SPTBN4: variants seen among roughly 807,000 people sequenced by gnomAD.
The protein encoded by SPTBN4 is spectrin beta chain, non-erythrocytic 4.
Under a neutral mutation model 277.8 loss-of-function variants are expected in SPTBN4, and 96 were observed. The ratio of observed to expected loss-of-function variants is 0.35; its 90% CI spans 0.29 to 0.41. SPTBN4 has a LOEUF of 0.41. Ranked by LOEUF, SPTBN4 falls within the 10% of genes least tolerant of loss-of-function variation. SPTBN4 has a pLI of 1.00. For synonymous variants in SPTBN4, 1,481 were observed against 1,580.3 expected (o/e 0.94, Z 1.49); for missense variants, 3,006 against 3,595.7 (o/e 0.84, Z 4.19).
At chr19:40,510,073 C>T (rs1488508763) in intron 13 of SPTBN4, among the ~76,000 whole-genome samples, 3 of 151,910 alleles carry the variant, frequency 2.0e-5, no homozygotes, top group East Asian at 1.9e-4. Context: ...GTGGGGAGTG[C>T]GTTGTCATGG....
At chr19:40,545,578 TAA>T (rs1051111761) in intron 20 of SPTBN4, among the ~76,000 whole-genome samples, 1 of 152,140 alleles carries the variant, frequency 6.6e-6, no homozygotes, top group African/African-American at 2.4e-5. Context: ...TTAGATACTA[TAA>T]GTCTTTTACA....
At chr19:40,547,658 T>C (rs970827092) in intron 20 of SPTBN4, among the ~76,000 whole-genome samples, 2 of 152,154 alleles carry the variant, frequency 1.3e-5, no homozygotes, top group Non-Finnish European at 2.9e-5. Context: ...AGTGTAAAAG[T>C]GTTCCTGTTT....
At chr19:40,532,568 G>A in intron 18 of SPTBN4, 57 bp from the exon 19 acceptor site, 4 of 1,571,810 alleles carry the variant, frequency 2.5e-6, no homozygotes, top group Non-Finnish European at 2.6e-6. Flanking sequence ...CTGAAGGGAT[G>A]GGGGGCTGTG....
chr19:40,477,951 G>A (rs1423146971), intron 2 of SPTBN4, among the ~76,000 whole-genome samples: 1 of 151,988 alleles, frequency 6.6e-6, no homozygotes, highest in Non-Finnish European at 1.5e-5. Context: ...CGATTCTCCT[G>A]CCTCAGCCTC....
rs2079831712 is a variant in SPTBN4, at chr19:40,467,065, TCGGGCGGCGGGGCGCGGGGACCG to T, written c.-248_-226del. Among the ~76,000 whole-genome samples, 1 of 150,352 alleles carries T rather than the reference TCGGGCGGCGGGGCGCGGGGACCG, an allele frequency of 6.7e-6. No individual in the cohort carries two copies. The highest frequency in any genetic ancestry group is 6.6e-5 in the Admixed American group (1 of 15,096). ...GGCCGGGTGTGACTGCGCGTGGGCC[TCGGGCGGCGGGGCGCGGGGACCG>T]CGGGCGGGAGGGGGTCCCGGGGGCG... On this transcript the variant is annotated 5_prime_UTR_variant, in exon 1 of 36. Transcript: ENST00000598249.
chr19:40,504,681 A>G (rs2080304955), intron 12 of SPTBN4, among the ~76,000 whole-genome samples: 1 of 148,864 alleles, frequency 6.7e-6, no homozygotes, highest in Non-Finnish European at 1.5e-5. Flanking sequence ...AAAAAAAAAC[A>G]AAAAAAACAA....
chr19:40,483,461 T>C (rs1362296035), intron 2 of SPTBN4, among the ~76,000 whole-genome samples: 1 of 152,244 alleles, frequency 6.6e-6, no homozygotes, highest in Non-Finnish European at 1.5e-5. Flanking sequence ...TATTGCTTCT[T>C]ACTCTAGCAG....
Position 40,504,148 on chromosome 19 carries a change from C to CCA in SPTBN4, c.1665+16_1665+17insCA. On this transcript the variant is annotated intron_variant, in intron 12 of 35. Transcript: ENST00000598249. ...GGAGATGCAGGTGCCGGCGGGGGGG[C>CCA]GGGGATGCGGGTGGAGTGCCAGGAG... The CCA allele has an allele frequency of 1.9e-5, 12 of 645,718 alleles. No individual in the cohort carries two copies. The highest frequency in any genetic ancestry group is 2.5e-5 in the Non-Finnish European group (12 of 471,348). The allele number at this position is 645,718 out of a possible 1,614,324, so 40.0% of individuals were successfully genotyped here. A position where few individuals can be genotyped will look rare whatever the true frequency, so the allele number is the denominator to read the frequency against.
chr19:40,484,081 C>A lies in SPTBN4; in HGVS notation c.170-3616C>A, dbSNP rs115164927. On this transcript the variant is annotated intron_variant, in intron 2 of 35. Transcript: ENST00000598249. ...ATTTTATACAGGGCAGACCCTGTAT[C>A]AAAAAAAAAGAGAGAAAAACAAGTA... Among the ~76,000 whole-genome samples, 468 of 149,498 alleles carry A rather than the reference C, an allele frequency of 3.1e-3. 4 individuals are homozygous for A. The highest frequency in any genetic ancestry group is 0.01 in the African/African-American group (423 of 40,768).
chr19:40,534,378 T>C, intron 20 of SPTBN4, 35 bp downstream of exon 20: 1 of 1,602,084 alleles, frequency 6.2e-7, no homozygotes, highest in South Asian at 1.1e-5. Flanking sequence ...GGGCTCCCTA[T>C]GCCACATGGG....
At chr19:40,553,709 C>A (rs1223938520) in intron 22 of SPTBN4, among the ~76,000 whole-genome samples, 5 of 152,094 alleles carry the variant, frequency 3.3e-5, no homozygotes, top group African/African-American at 1.2e-4. Context: ...CTGGGCACAC[C>A]GGTGTATGTG....
At position 40,502,265 on chromosome 19, in the gene SPTBN4, G is replaced by A. The variant is rs2080271550; in HGVS notation, c.1035G>A (p.Gln345=). 2 of 1,613,752 alleles carry A rather than the reference G, an allele frequency of 1.2e-6. No homozygotes were observed. Among genetic ancestry groups the A allele is most frequent in the South Asian group, 2.2e-5 (2 of 91,088 alleles). Residue 345 remains glutamine, a synonymous_variant, in exon 9 of 36, where the codon CAG becomes CAA. Coordinates refer to ENST00000598249, the MANE Select transcript of SPTBN4 (RefSeq NM_020971.3). The surrounding 1 kb of genome is among the most constrained non-coding windows in gnomAD (Gnocchi z 4.9). ...TTGCCAACTCCTTAAGTGGGGTGCA[G>A]CAGCAACTCCAGGCTTTCACGGCCT... ...QKFANSLSGV[Q]QQLQAFTAYC...
intron 20 of SPTBN4, among the ~76,000 whole-genome samples, chr19:40,543,897 A>G (rs1169787175): frequency 6.6e-6 from 1 of 152,108 alleles, no homozygotes; most frequent in Non-Finnish European, 1.5e-5. Context: ...TTTAATTTCA[A>G]TTTTTGAATA....
At chr19:40,523,725 A>T in intron 17 of SPTBN4, 86 bp downstream of exon 17, 1 of 1,244,050 alleles carries the variant, frequency 8.0e-7, no homozygotes, top group Non-Finnish European at 1.1e-6. Context: ...CCAGGGTCCC[A>T]CTCCTTTCAT....
chr19:40,570,743 G>A lies in SPTBN4; in HGVS notation c.7319+15G>A, dbSNP rs775309151. The A allele has an allele frequency of 6.2e-6, 10 of 1,601,830 alleles. No homozygotes were observed. The Admixed American group carries it at 1.7e-4, about 27-fold the overall frequency. ...TCGTCCAACCGGTGAGCGTGTGGGC[G>A]GGGCTTTGGAAGGCGGGTCTCAGGC... is the stretch of plus-strand genomic sequence containing the variant. On this transcript the variant is annotated intron_variant, in intron 33 of 35. Transcript: ENST00000598249.
intron 25 of SPTBN4, among the ~76,000 whole-genome samples, chr19:40,556,800 T>C (rs1007940482): frequency 1.3e-5 from 2 of 152,142 alleles, no homozygotes; most frequent in Admixed American, 6.5e-5. Flanking sequence ...TGGTGGCACA[T>C]GCCTGTAGTC....
Position 40,506,190 on chromosome 19 carries a change from C to T in SPTBN4, c.1666-46C>T, listed in dbSNP as rs75488411. On this transcript the variant is annotated intron_variant, in intron 12 of 35. Transcript: ENST00000598249. ...TAGGCAATGGGGGAGAGGTGAGTGG[C>T]CCAGGGCAGTGCCAGAGGTGTGCTC... 5,600 of 1,573,992 alleles carry T rather than the reference C, an allele frequency of 3.6e-3. 215 individuals carry two copies. In the East Asian group the frequency reaches 0.092, roughly 26 times the overall value.
chr19:40,530,609 G>C (rs1180326461), intron 18 of SPTBN4: 2 of 974,380 alleles, frequency 2.1e-6, no homozygotes, highest in Non-Finnish European at 2.4e-6. Flanking sequence ...GGCGCCCAGG[G>C]GAGGGGGTTG....
intron 35 of SPTBN4, 190 bp downstream of exon 35, chr19:40,572,570 T>C: frequency 1.6e-6 from 1 of 642,832 alleles, no homozygotes; most frequent in Non-Finnish European, 2.7e-6. Context: ...TGGGAAGGGC[T>C]TCAGGGAGGG....
Sources: allele counts gnomAD v4.1 joint callset (sites outside exome capture counted in the v4.1 genomes callset), GRCh38; gene constraint gnomAD v4.1.1; non-coding constraint Gnocchi (gnomAD v3.1); transcripts MANE v1.5; gene names NCBI Gene and HGNC (gene_info 2026-07-23, HGNC 2026-07-21).